Variants in TTC6 observed in about 807,000 individuals in gnomAD.
TTC6 encodes the protein tetratricopeptide repeat domain 6, also known as tetratricopeptide repeat protein 6.
TTC6 carries 172 observed loss-of-function variants against 210.4 expected under a neutral mutation model. The observed-to-expected ratio is 0.82, with a 90% CI of 0.72 to 0.93. The LOEUF is 0.93. TTC6 is among the 40% of genes least tolerant of loss of function. The pLI, the probability that TTC6 is intolerant of heterozygous loss-of-function variation, is 0.00. For missense variants in TTC6, 2,414 were observed against 2,318.1 expected, an observed-to-expected ratio of 1.04 and a Z score of -0.85; for synonymous variants, 804 against 819.6, an observed-to-expected ratio of 0.98 and a Z score of 0.32.
chr14:37,768,916 C>T (rs1283372761), intron 14 of TTC6, among the ~76,000 whole-genome samples: 2 of 150,350 alleles, frequency 1.3e-5, no homozygotes, highest in Non-Finnish European at 3.0e-5. Context: ...TTTGCCCATT[C>T]AGTATGATAT....
chr14:37,735,463 G>A (rs909289495), intron 7 of TTC6, among the ~76,000 whole-genome samples: 3 of 152,036 alleles, frequency 2.0e-5, no homozygotes, highest in Non-Finnish European at 2.9e-5. Context: ...ATACTTAACC[G>A]ATAGAATTCA....
At chr14:37,804,932 A>C in intron 21 of TTC6, 118 bp downstream of exon 23, 6 of 1,107,126 alleles carry the variant, frequency 5.4e-6, no homozygotes, top group Non-Finnish European at 7.8e-6. Context: ...GCTGCTTATG[A>C]AGCTTGGCTT....
chr14:37,733,802 G>A (rs2095894203), intron 7 of TTC6, among the ~76,000 whole-genome samples: 1 of 151,914 alleles, frequency 6.6e-6, no homozygotes, highest in Non-Finnish European at 1.5e-5. Context: ...TTCATTTTCT[G>A]GGACTTTAAT....
At chr14:37,769,512 C>T (rs2096010878) in intron 14 of TTC6, among the ~76,000 whole-genome samples, 1 of 152,128 alleles carries the variant, frequency 6.6e-6, no homozygotes, top group South Asian at 2.1e-4. Flanking sequence ...GATTCAACTT[C>T]TTCCTGGTTT....
intron 3 of TTC6, among the ~76,000 whole-genome samples, chr14:37,685,514 CAA>C (rs2095791967): frequency 6.6e-6 from 1 of 152,082 alleles, no homozygotes; most frequent in Admixed American, 6.6e-5. Context: ...AGTGTGATGA[CAA>C]GAGATGACAG....
At chr14:37,650,791 G>A (rs2095709879) in intron 1 of TTC6, among the ~76,000 whole-genome samples, 1 of 152,088 alleles carries the variant, frequency 6.6e-6, no homozygotes. Flanking sequence ...TTAGCATGGC[G>A]CTATTAACTG....
chr14:37,630,806 G>T (rs1009912217), intron 1 of TTC6, among the ~76,000 whole-genome samples: 6 of 148,806 alleles, frequency 4.0e-5, no homozygotes, highest in African/African-American at 7.5e-5. Flanking sequence ...AGCTCTTCTT[G>T]TTGCATTGAT....
At chr14:37,681,822 G>T (rs1474222392) in intron 2 of TTC6, among the ~76,000 whole-genome samples, 2 of 152,078 alleles carry the variant, frequency 1.3e-5, no homozygotes, top group South Asian at 2.1e-4. Flanking sequence ...GCTTGCAGAG[G>T]ACACACACAC....
At chr14:37,642,557 T>C (rs1232576210) in intron 1 of TTC6, among the ~76,000 whole-genome samples, 1 of 152,238 alleles carries the variant, frequency 6.6e-6, no homozygotes, top group African/African-American at 2.4e-5. Context: ...TTTAAACTGT[T>C]CTCAAAGTGA....
intron 1 of TTC6, among the ~76,000 whole-genome samples, chr14:37,624,913 GC>G (rs982506639): frequency 6.6e-6 from 1 of 151,990 alleles, no homozygotes; most frequent in African/African-American, 2.4e-5. Context: ...GAGCCACTGC[GC>G]CCGGCCCCAC....
chr14:37,705,292 A>G (rs80339906), intron 5 of TTC6, among the ~76,000 whole-genome samples: 1 of 152,144 alleles, frequency 6.6e-6, no homozygotes, highest in East Asian at 1.9e-4. Flanking sequence ...GAAAAACCAA[A>G]GGTTAAGTGT....
Position 37,827,385 on chromosome 14 carries a change from A to C in TTC6, c.5298+19A>C. ...TTCCCAGGTAATGTGAGTTTTACTTAACGCTTTCTTTTTGACCTGGAATGC... is the reference window on the plus strand; with the variant it reads ...TTCCCAGGTAATGTGAGTTTTACTTCACGCTTTCTTTTTGACCTGGAATGC... On this transcript the variant is annotated intron_variant, in intron 29 of 30. Coordinates refer to ENST00000553443, the Ensembl canonical transcript of TTC6. 1 of 1,608,472 alleles carries C rather than the reference A, an allele frequency of 6.2e-7. No individual in the cohort carries two copies. The highest frequency in any genetic ancestry group is 1.7e-5 in the Admixed American group (1 of 59,562).
rs764797856 is a variant in TTC6, at chr14:37,817,606, G to A, written c.4718G>A (p.Arg1573Gln). The change falls in exon 26 of 31, where the codon CGG becomes CAG. Residue 1573 changes from arginine (R) to glutamine (Q), a missense_variant. Coordinates refer to ENST00000553443, the Ensembl canonical transcript of TTC6. ...TTTAAACAAGCTGCACTGATAAGCCGGACTAACGGGAGCCTTTGTCACGCC... is the reference window on the plus strand; with the variant it reads ...TTTAAACAAGCTGCACTGATAAGCCAGACTAACGGGAGCCTTTGTCACGCC... 6.4e-5 allele frequency: 103 copies of A among 1,613,926 alleles called. 1 individual carries two copies. Among genetic ancestry groups the A allele is most frequent in the East Asian group, 1.1e-4 (5 of 44,862 alleles).
exon 26 of TTC6, chr14:37,817,597 T>C: frequency 6.2e-7 from 1 of 1,614,042 alleles, no homozygotes; most frequent in African/African-American, 1.3e-5. Flanking sequence ...CAAGCTGCAC[T>C]GATAAGCCGG....
intron 29 of TTC6, among the ~76,000 whole-genome samples, chr14:37,828,086 C>T (rs1035749678): frequency 3.9e-5 from 6 of 151,958 alleles, no homozygotes; most frequent in Non-Finnish European, 2.9e-5. Context: ...CATGGGACCA[C>T]TGGACTGGGA....
At chr14:37,790,765 G>A in exon 16 of TTC6, 1 of 1,534,662 alleles carries the variant, frequency 6.5e-7, no homozygotes. Context: ...CTACATCGGG[G>A]AATAGTCTAT....
chr14:37,753,289 T>C lies in TTC6; in HGVS notation c.3266+54T>C, dbSNP rs1416296151. 20 of 1,410,510 alleles carry C rather than the reference T, an allele frequency of 1.4e-5. No homozygotes were observed. In the East Asian group the frequency reaches 4.3e-4, roughly 30 times the overall value. The allele number at this position is 1,410,510 out of a possible 1,614,324, so 87.4% of individuals were successfully genotyped here. A position where few individuals can be genotyped will look rare whatever the true frequency, so the allele number is the denominator to read the frequency against. Reference sequence around the variant, plus strand: ...AATTATTACTATTATTTGAAATACATTTTCAGAACAGAAAATTGCTTGAAA... The same window carrying C: ...AATTATTACTATTATTTGAAATACACTTTCAGAACAGAAAATTGCTTGAAA... On this transcript the variant is annotated intron_variant, in intron 14 of 30. Coordinates refer to ENST00000553443, the Ensembl canonical transcript of TTC6.
intron 2 of TTC6, 64 bp downstream of exon 4, chr14:37,680,325 G>T (rs1595096662): frequency 9.3e-7 from 1 of 1,078,418 alleles, no homozygotes; most frequent in Non-Finnish European, 1.3e-6. Context: ...CCTGTTGCTT[G>T]AATGTTTATA....
At position 37,622,567 on chromosome 14, in the gene TTC6, AG is replaced by A. The variant is rs2095653259; in HGVS notation, c.504del (p.Ser169AlafsTer23). On this transcript the variant is annotated frameshift_variant, in exon 1 of 31. Transcript: ENST00000553443. LOFTEE classifies it high-confidence loss of function. ...AAGCGCAGAGCGCGCGGGGTCTTGG[AG>A]AGCTCGCGGCACGCGGCTCCCAGGC... is the stretch of plus-strand genomic sequence containing the variant. 1 of 1,534,288 alleles carries A rather than the reference AG, an allele frequency of 6.5e-7. No homozygotes were observed. Among genetic ancestry groups the A allele is most frequent in the South Asian group, 1.2e-5 (1 of 83,976 alleles).
Sources: allele counts gnomAD v4.1 joint callset (sites outside exome capture counted in the v4.1 genomes callset), GRCh38; gene constraint gnomAD v4.1.1; transcripts MANE v1.5; gene names NCBI Gene and HGNC (gene_info 2026-07-23, HGNC 2026-07-21).